SIL1: variants seen among roughly 807,000 people sequenced by gnomAD.
SIL1 encodes SIL1 nucleotide exchange factor, also known as nucleotide exchange factor SIL1.
A neutral mutation model predicts 49.1 loss-of-function variants in SIL1; 40 were observed. The observed-to-expected ratio is 0.81, with a 90% CI of 0.63 to 1.06. SIL1 has a LOEUF of 1.06. Ranked by LOEUF, SIL1 falls within the 50% of genes least tolerant of loss-of-function variation. SIL1 has a pLI of 0.00. For missense variants in SIL1, 500 were observed against 572.6 expected, an observed-to-expected ratio of 0.87 and a Z score of 1.29; for synonymous variants, 253 against 250.8, an observed-to-expected ratio of 1.01 and a Z score of -0.08.
chr5:139,131,907 TGCA>T (rs1203203135), intron 1 of SIL1: 2 of 152,358 alleles, frequency 1.3e-5, no homozygotes, highest in African/African-American at 4.8e-5. Flanking sequence ...CTGTTAACGC[TGCA>T]GCCTTGGCTG....
intron 1 of SIL1, among the ~76,000 whole-genome samples, chr5:139,165,503 C>T (rs2151812506): frequency 6.6e-6 from 1 of 152,186 alleles, no homozygotes; most frequent in Admixed American, 6.5e-5. Flanking sequence ...CACATGCCAC[C>T]ACACCTGGCT....
chr5:138,994,956 G>A (rs1032458930), intron 7 of SIL1, among the ~76,000 whole-genome samples: 2 of 152,144 alleles, frequency 1.3e-5, no homozygotes, highest in African/African-American at 4.8e-5. Context: ...GTGATAATAT[G>A]TGGTGTTTGG....
At chr5:139,177,433 T>C (rs1322693822) in intron 1 of SIL1, among the ~76,000 whole-genome samples, 1 of 150,580 alleles carries the variant, frequency 6.6e-6, no homozygotes, top group Non-Finnish European at 1.5e-5. Context: ...AGAGATGAGG[T>C]TTCATCATGT....
chr5:139,150,531 C>T (rs192441509), intron 1 of SIL1, among the ~76,000 whole-genome samples: 7 of 152,166 alleles, frequency 4.6e-5, no homozygotes, highest in Admixed American at 1.3e-4. Flanking sequence ...TAGGAGCAAC[C>T]GTCGCAAGCT....
chr5:139,071,763 G>A (rs1581077787), intron 3 of SIL1, among the ~76,000 whole-genome samples: 1 of 150,872 alleles, frequency 6.6e-6, no homozygotes, highest in Non-Finnish European at 1.5e-5. Context: ...CACCTTCCCG[G>A]TTCAAGCGAT....
At chr5:139,120,548 A>T (rs1750604284) in intron 3 of SIL1, among the ~76,000 whole-genome samples, 1 of 152,140 alleles carries the variant, frequency 6.6e-6, no homozygotes, top group African/African-American at 2.4e-5. Context: ...GGGTTAGAAA[A>T]TTGTTCCTTC....
At chr5:139,121,307 A>G in intron 2 of SIL1, 134 bp from the exon 3 acceptor site, 1 of 1,213,096 alleles carries the variant, frequency 8.2e-7, no homozygotes, top group Admixed American at 1.8e-5. Flanking sequence ...GGACACTCGC[A>G]ATTCCTTTCC....
At chr5:139,162,081 T>A (rs1050365268) in intron 1 of SIL1, among the ~76,000 whole-genome samples, 1 of 151,412 alleles carries the variant, frequency 6.6e-6, no homozygotes, top group African/African-American at 2.4e-5. Flanking sequence ...GCAGTCCCCC[T>A]ACAGTCTCTA....
intron 1 of SIL1, among the ~76,000 whole-genome samples, chr5:139,168,631 T>A (rs1487120086): frequency 6.6e-6 from 1 of 152,128 alleles, no homozygotes; most frequent in Non-Finnish European, 1.5e-5. Flanking sequence ...GCTTTTTTTT[T>A]TCCTCCCCTG....
chr5:138,973,157 C>T (rs1407141506), intron 7 of SIL1, among the ~76,000 whole-genome samples: 1 of 126,180 alleles, frequency 7.9e-6, no homozygotes, highest in Non-Finnish European at 1.6e-5. Context: ...ACATATGTAA[C>T]AAACCTGCGC....
chr5:139,174,427 G>T (rs2352071), intron 1 of SIL1, among the ~76,000 whole-genome samples: 4,390 of 152,148 alleles, frequency 0.029, 97 homozygotes, highest in Non-Finnish European at 0.049. Context: ...AGCCCAGGAG[G>T]TCATGACTAC....
intron 7 of SIL1, among the ~76,000 whole-genome samples, chr5:138,986,286 G>A (rs115259773): frequency 0.014 from 2,101 of 152,280 alleles, 47 homozygotes; most frequent in African/African-American, 0.047. Flanking sequence ...GCTCTCTGCT[G>A]CCCTTCCCCT....
intron 3 of SIL1, among the ~76,000 whole-genome samples, chr5:139,106,735 T>C (rs980620503): frequency 1.3e-5 from 2 of 152,204 alleles, no homozygotes; most frequent in African/African-American, 4.8e-5. Flanking sequence ...CAAACCCTGC[T>C]ATTAGCATGA....
chr5:139,112,901 T>G (rs912991539), intron 3 of SIL1, among the ~76,000 whole-genome samples: 9 of 152,222 alleles, frequency 5.9e-5, no homozygotes, highest in Non-Finnish European at 1.0e-4. Flanking sequence ...ATTGTTGCTG[T>G]GTCTGTGTAG....
At chr5:139,165,646 TTTTTTATTA>T (rs1307369317) in intron 1 of SIL1, among the ~76,000 whole-genome samples, 1 of 151,016 alleles carries the variant, frequency 6.6e-6, no homozygotes, top group Non-Finnish European at 1.5e-5. Flanking sequence ...AATGTCTGTC[TTTTTTATTA>T]TTTTTATTAT....
rs541137508 is a variant in SIL1, at chr5:139,048,198, T to G, written c.353+2740A>C. Among the ~76,000 whole-genome samples, 8 of 152,252 alleles carry G rather than the reference T, an allele frequency of 5.3e-5. No homozygotes were observed. The South Asian group carries it at 1.5e-3, about 28-fold the overall frequency. ...TAGGGTCTCACTGTGTCACCCAGGCTGCAGTACAGTGGCATAATCACGGCT... is the reference window on the plus strand; with the variant it reads ...TAGGGTCTCACTGTGTCACCCAGGCGGCAGTACAGTGGCATAATCACGGCT... On this transcript the variant is annotated intron_variant, in intron 4 of 9. Coordinates refer to ENST00000394817, the MANE Select transcript of SIL1 (RefSeq NM_022464.5).
chr5:139,112,747 T>A (rs370587808), intron 3 of SIL1, among the ~76,000 whole-genome samples: 12 of 151,642 alleles, frequency 7.9e-5, no homozygotes, highest in Admixed American at 5.3e-4. Flanking sequence ...GGCCGCCCCT[T>A]CTGGGAAGTG....
intron 8 of SIL1, 69 bp downstream of exon 8, chr5:138,951,719 G>A (rs1580976589): frequency 7.0e-7 from 1 of 1,433,790 alleles, no homozygotes; most frequent in East Asian, 2.3e-5. Context: ...AGCCTGGACA[G>A]GAACCCTTTC....
intron 1 of SIL1, among the ~76,000 whole-genome samples, chr5:139,163,867 T>C (rs1581143511): frequency 6.6e-6 from 1 of 151,932 alleles, no homozygotes; most frequent in South Asian, 2.1e-4. Context: ...CGCCTATAAT[T>C]CCAGCACTTT....
Sources: allele counts gnomAD v4.1 joint callset (sites outside exome capture counted in the v4.1 genomes callset), GRCh38; gene constraint gnomAD v4.1.1; transcripts MANE v1.5; gene names NCBI Gene and HGNC (gene_info 2026-07-23, HGNC 2026-07-21).